Variants in WWOX observed in about 807,000 individuals in gnomAD.
The protein encoded by WWOX is WW domain-containing oxidoreductase.
Under a neutral mutation model 46.2 loss-of-function variants are expected in WWOX, and 69 were observed. That is an observed-to-expected ratio of 1.49 (90% CI 1.23 to 1.82). The LOEUF (loss-of-function observed/expected upper bound fraction) is 1.82. Among genes scored for constraint, WWOX ranks in the 40% most tolerant of loss-of-function variants. The probability of loss-of-function intolerance (pLI) is 0.00; values close to 1 mark genes in which losing one functional copy is unlikely to be tolerated. For missense variants in WWOX, 919 were observed against 542.6 expected (o/e 1.69, Z -6.89); for synonymous variants, 359 against 202.6 (o/e 1.77, Z -6.56).
At chr16:78,416,698 G>A (rs547340287) in intron 6 of WWOX, among the ~76,000 whole-genome samples, 9 of 152,314 alleles carry the variant, frequency 5.9e-5, no homozygotes, top group Non-Finnish European at 1.2e-4. Context: ...CAATGTCCAG[G>A]CCTGTCTTAA....
chr16:79,112,530 A>T (rs189453097), intron 8 of WWOX, among the ~76,000 whole-genome samples: 1 of 152,218 alleles, frequency 6.6e-6, no homozygotes, highest in Non-Finnish European at 1.5e-5. Flanking sequence ...ATACTCTTCT[A>T]AACCAACATC....
At chr16:78,785,553 C>G (rs537120209) in intron 8 of WWOX, among the ~76,000 whole-genome samples, 1 of 151,956 alleles carries the variant, frequency 6.6e-6, no homozygotes, top group Non-Finnish European at 1.5e-5. Flanking sequence ...ATATAATTTA[C>G]AAATAAGAAG....
intron 8 of WWOX, among the ~76,000 whole-genome samples, chr16:78,670,984 C>T (rs1013161989): frequency 6.6e-6 from 1 of 151,892 alleles, no homozygotes; most frequent in African/African-American, 2.4e-5. Flanking sequence ...GTGGTGCCAT[C>T]TACCAGCCAA....
Position 78,195,835 on chromosome 16 carries a change from A to G in WWOX, c.516+31546A>G, listed in dbSNP as rs573914168. Among the ~76,000 whole-genome samples, 5 of 150,302 alleles carry G rather than the reference A, an allele frequency of 3.3e-5. 1 individual carries two copies. Among genetic ancestry groups the G allele is most frequent in the Admixed American group, 1.3e-4 (2 of 15,122 alleles). On this transcript the variant is annotated intron_variant, in intron 5 of 8. Transcript: ENST00000566780. ...AGACTCTGCCTCAAAAAAAAAAAAA[A>G]AAAAAGAAAAAAAAAAGATTGAACA...
At position 78,106,818 on chromosome 16, in the gene WWOX, G is replaced by A. The variant is rs114072982; in HGVS notation, c.108-1605G>A. 7.9e-4 allele frequency among the ~76,000 whole-genome samples: 121 copies of A among 152,232 alleles called. 1 individual carries two copies. Among genetic ancestry groups the A allele is most frequent in the African/African-American group, 2.7e-3 (113 of 41,532 alleles). On this transcript the variant is annotated intron_variant, in intron 1 of 8. Coordinates refer to ENST00000566780, the MANE Select transcript of WWOX (RefSeq NM_016373.4). ...CCGTAGCTGGTACAAGGTTTTAATC[G>A]TTCTCCAAGCACTGTCACAGGTGTC...
At chr16:79,076,269 C>G (rs923715418) in intron 8 of WWOX, among the ~76,000 whole-genome samples, 2 of 152,206 alleles carry the variant, frequency 1.3e-5, no homozygotes, top group East Asian at 1.9e-4. Flanking sequence ...TTACAGAAAT[C>G]TAAGTAAAAG....
intron 8 of WWOX, among the ~76,000 whole-genome samples, chr16:78,849,447 G>A (rs1046316536): frequency 2.0e-5 from 3 of 151,788 alleles, no homozygotes; most frequent in East Asian, 3.9e-4. Context: ...GGTGGCGGGC[G>A]CCTGTAGTCC....
chr16:78,337,430 C>T (rs1269745639), intron 5 of WWOX, among the ~76,000 whole-genome samples: 1 of 152,192 alleles, frequency 6.6e-6, no homozygotes, highest in Non-Finnish European at 1.5e-5. Flanking sequence ...AGGGTATTAA[C>T]ATCTTGCATT....
At chr16:79,075,099 C>T (rs1406811561) in intron 8 of WWOX, among the ~76,000 whole-genome samples, 1 of 152,148 alleles carries the variant, frequency 6.6e-6, no homozygotes, top group East Asian at 1.9e-4. Context: ...TTCACTACAA[C>T]ACTGTTTCTC....
At chr16:78,105,117 A>G (rs1337579324) in intron 1 of WWOX, among the ~76,000 whole-genome samples, 2 of 152,202 alleles carry the variant, frequency 1.3e-5, no homozygotes, top group Non-Finnish European at 2.9e-5. Context: ...GGACTGGGGT[A>G]TTGGCATCTG....
intron 7 of WWOX, among the ~76,000 whole-genome samples, chr16:78,429,776 A>G (rs758047511): frequency 3.9e-5 from 6 of 152,204 alleles, no homozygotes; most frequent in Non-Finnish European, 8.8e-5. Context: ...TATATTTTCA[A>G]TTCGATATGA....
chr16:78,132,112 C>A (rs926287678), intron 4 of WWOX, among the ~76,000 whole-genome samples: 1 of 151,046 alleles, frequency 6.6e-6, no homozygotes, highest in Non-Finnish European at 1.5e-5. Context: ...GCAAGCTCCA[C>A]CTCCCGGGTT....
chr16:78,959,536 C>G (rs868861802), intron 8 of WWOX, among the ~76,000 whole-genome samples: 1 of 152,186 alleles, frequency 6.6e-6, no homozygotes, highest in Non-Finnish European at 1.5e-5. Flanking sequence ...CCTGTTCATC[C>G]ATTCATCTGT....
At chr16:78,503,419 G>T (rs35438003) in intron 8 of WWOX, among the ~76,000 whole-genome samples, 3 of 151,714 alleles carry the variant, frequency 2.0e-5, no homozygotes, top group Non-Finnish European at 4.4e-5. Flanking sequence ...CAGATCTTCA[G>T]TGTGGAATTT....
At chr16:78,450,606 T>C (rs2083668485) in intron 8 of WWOX, among the ~76,000 whole-genome samples, 1 of 152,162 alleles carries the variant, frequency 6.6e-6, no homozygotes, top group African/African-American at 2.4e-5. Context: ...ACCTGTAAAA[T>C]TTGGGAACTT....
intron 8 of WWOX, among the ~76,000 whole-genome samples, chr16:78,488,113 A>G (rs918625670): frequency 2.6e-5 from 4 of 152,134 alleles, no homozygotes; most frequent in Non-Finnish European, 5.9e-5. Context: ...TCTCACAGGA[A>G]ACTTGGTAAT....
chr16:78,314,091 A>G (rs192331287), intron 5 of WWOX, among the ~76,000 whole-genome samples: 249 of 152,240 alleles, frequency 1.6e-3, no homozygotes, highest in African/African-American at 5.4e-3. Context: ...ATTAAAATAA[A>G]AAACACAAAG....
intron 8 of WWOX, among the ~76,000 whole-genome samples, chr16:79,001,716 GGA>G (rs1195649157): frequency 2.2e-4 from 33 of 151,996 alleles, no homozygotes; most frequent in Middle Eastern, 3.4e-3. Context: ...TGAAGGGAGG[GGA>G]GAGAGGGGGA....
At chr16:79,023,856 T>A (rs2047584481) in intron 8 of WWOX, among the ~76,000 whole-genome samples, 1 of 151,660 alleles carries the variant, frequency 6.6e-6, no homozygotes, top group Non-Finnish European at 1.5e-5. Context: ...CTCGGGAGGC[T>A]GAGGCAGGAG....
Sources: gnomAD v4.1 joint callset for allele counts (sites outside exome capture counted in the v4.1 genomes callset) on GRCh38, gnomAD v4.1.1 for gene constraint, MANE v1.5 for transcripts, NCBI Gene and HGNC (gene_info 2026-07-23, HGNC 2026-07-21) for gene names.